Variants in SDK1 observed in about 807,000 individuals in gnomAD.
SDK1 encodes the protein protein sidekick-1.
A neutral mutation model predicts 245.5 loss-of-function variants in SDK1; 157 were observed. The ratio of observed to expected loss-of-function variants is 0.64; its 90% CI spans 0.56 to 0.73. SDK1 has a LOEUF of 0.73. Among genes scored for constraint, SDK1 ranks in the 30% least tolerant of loss-of-function variants. The pLI, the probability that SDK1 is intolerant of heterozygous loss-of-function variation, is 0.00. For missense variants in SDK1, 3,583 were observed against 3,002.3 expected (o/e 1.19, Z -4.52); for synonymous variants, 1,647 against 1,278.5 (o/e 1.29, Z -6.15).
chr7:3,909,612 T>A (rs1414068204), intron 5 of SDK1, among the ~76,000 whole-genome samples: 2 of 151,928 alleles, frequency 1.3e-5, no homozygotes. Context: ...ACTCATCACA[T>A]GTGTGTCCGT....
At chr7:3,726,392 TGTAA>T (rs1779008808) in intron 4 of SDK1, among the ~76,000 whole-genome samples, 1 of 152,258 alleles carries the variant, frequency 6.6e-6, no homozygotes, top group South Asian at 2.1e-4. Flanking sequence ...GTCACTCGAC[TGTAA>T]GTATTTCTTT....
intron 38 of SDK1, among the ~76,000 whole-genome samples, chr7:4,219,880 T>A (rs1785042892): frequency 6.6e-6 from 1 of 150,950 alleles, no homozygotes. Flanking sequence ...TTTTGTGTTG[T>A]CAGCCTCAGT....
intron 1 of SDK1, among the ~76,000 whole-genome samples, chr7:3,344,339 C>T (rs1032446566): frequency 6.6e-6 from 1 of 152,184 alleles, no homozygotes; most frequent in East Asian, 1.9e-4. Flanking sequence ...ATCTAGTCTC[C>T]ACAGCTACTT....
intron 19 of SDK1, 88 bp from the exon 20 acceptor site, chr7:4,067,750 C>T: frequency 2.1e-6 from 2 of 931,226 alleles, no homozygotes; most frequent in Non-Finnish European, 3.3e-6. Flanking sequence ...CACCACTTTC[C>T]TTCCATAGTT....
intron 1 of SDK1, among the ~76,000 whole-genome samples, chr7:3,425,115 CTTTT>C (rs3086058): frequency 2.8e-5 from 4 of 144,750 alleles, no homozygotes; most frequent in Non-Finnish European, 3.0e-5. Context: ...CAGTTGCCAG[CTTTT>C]TTTTTTTTTT....
chr7:3,393,034 G>T (rs749674703), intron 1 of SDK1, among the ~76,000 whole-genome samples: 27 of 144,118 alleles, frequency 1.9e-4, no homozygotes, highest in Non-Finnish European at 3.6e-4. Flanking sequence ...ACAGTGGCGT[G>T]ATCTCAGCTC....
At chr7:3,608,910 C>A (rs1193934278) in intron 1 of SDK1, among the ~76,000 whole-genome samples, 3 of 152,122 alleles carry the variant, frequency 2.0e-5, no homozygotes, top group Non-Finnish European at 4.4e-5. Flanking sequence ...AGCCATGTAT[C>A]TGGGAGGCTG....
intron 32 of SDK1, among the ~76,000 whole-genome samples, chr7:4,166,825 A>C (rs935567): frequency 0.45 from 67,746 of 152,114 alleles, 17,245 homozygotes; most frequent in East Asian, 0.76. Flanking sequence ...TAGGAGAGTT[A>C]GGCCCTGCCC....
intron 1 of SDK1, among the ~76,000 whole-genome samples, chr7:3,445,486 C>G (rs562515919): frequency 6.6e-6 from 1 of 152,240 alleles, no homozygotes; most frequent in East Asian, 1.9e-4. Context: ...AGTTAGGAAC[C>G]ATTCCTTTTA....
intron 34 of SDK1, among the ~76,000 whole-genome samples, chr7:4,177,379 G>A (rs1782280386): frequency 6.6e-6 from 1 of 152,192 alleles, no homozygotes; most frequent in African/African-American, 2.4e-5. Flanking sequence ...TGGCTTAAAG[G>A]TCAATTATTC....
rs111460358 is a variant in SDK1, at chr7:4,267,519, C to T, written c.*2135C>T. 3.4e-3 allele frequency: 3,355 copies of T among 985,398 alleles called. 10 individuals carry two copies. The highest frequency in any genetic ancestry group is 0.02 in the East Asian group (172 of 8,798). The allele number at this position is 985,398 out of a possible 1,614,324, so 61.0% of individuals were successfully genotyped here. On this transcript the variant is annotated 3_prime_UTR_variant, in exon 45 of 45. Coordinates refer to ENST00000404826, the MANE Select transcript of SDK1 (RefSeq NM_152744.4). Reference sequence around the variant, plus strand: ...TCGGCCCCGGAGAGGGCGAAGTGGGCGGGAAGCCAGGATGTGAGCACTGGA... The same window carrying T: ...TCGGCCCCGGAGAGGGCGAAGTGGGTGGGAAGCCAGGATGTGAGCACTGGA...
chr7:3,962,755 A>G lies in SDK1; in HGVS notation c.1333A>G (p.Ile445Val), dbSNP rs772479041. ...YKVLASGGLR[I>V]QKLRPEDSGI... ...AGTGCTCGCCAGCGGAGGCCTGCGC[A>G]TCCAGAAGCTGCGTCCAGAGGACTC... Residue 445 changes from isoleucine to valine, a missense_variant, in exon 9 of 45, where the codon ATC becomes GTC. By Grantham distance (29) the Ile-to-Val change is conservative (BLOSUM62 3). Coordinates refer to ENST00000404826, the MANE Select transcript of SDK1 (RefSeq NM_152744.4). The G allele has an allele frequency of 6.2e-7, 1 of 1,613,732 alleles. No individual in the cohort carries two copies. The highest frequency in any genetic ancestry group is 8.5e-7 in the Non-Finnish European group (1 of 1,179,886).
At chr7:4,000,613 A>C (rs1223299262) in intron 14 of SDK1, among the ~76,000 whole-genome samples, 1 of 152,224 alleles carries the variant, frequency 6.6e-6, no homozygotes, top group Non-Finnish European at 1.5e-5. Context: ...GTCACCGCAC[A>C]ATCTGTTCAA....
At chr7:3,732,251 G>A (rs972582566) in intron 4 of SDK1, among the ~76,000 whole-genome samples, 5 of 152,170 alleles carry the variant, frequency 3.3e-5, no homozygotes, top group African/African-American at 9.7e-5. Context: ...GTGGGAAAAC[G>A]GCTGATTTTC....
chr7:3,848,817 G>A (rs959737406), intron 5 of SDK1, among the ~76,000 whole-genome samples: 82 of 152,142 alleles, frequency 5.4e-4, no homozygotes, highest in African/African-American at 1.8e-3. Flanking sequence ...GATTACAGGC[G>A]TGCGTCACCA....
At chr7:3,412,203 G>C (rs1329052302) in intron 1 of SDK1, among the ~76,000 whole-genome samples, 1 of 152,130 alleles carries the variant, frequency 6.6e-6, no homozygotes. Flanking sequence ...GAGTTGGAAA[G>C]CATCTACAGT....
In SDK1 at chr7:3,777,536, G is replaced by A. The variant is rs142176965; in HGVS notation, c.714-43914G>A. Among the ~76,000 whole-genome samples the A allele has an allele frequency of 6.0e-3, 906 of 152,248 alleles. 13 individuals carry two copies. The highest frequency in any genetic ancestry group is 0.02 in the African/African-American group (837 of 41,524). On this transcript the variant is annotated intron_variant, in intron 4 of 44. Coordinates refer to ENST00000404826, the MANE Select transcript of SDK1 (RefSeq NM_152744.4). ...CCCAGGCCTGTGTCCTTGTACTCAG[G>A]TTGCCACAGCATTCCTCCTGATGTG...
At chr7:3,844,593 A>C (rs191648790) in intron 5 of SDK1, among the ~76,000 whole-genome samples, 3 of 152,320 alleles carry the variant, frequency 2.0e-5, no homozygotes, top group Admixed American at 6.5e-5. Flanking sequence ...TATGAAACTG[A>C]ATTTTACTAC....
intron 1 of SDK1, among the ~76,000 whole-genome samples, chr7:3,575,401 ATC>A (rs1780252486): frequency 6.6e-6 from 1 of 152,020 alleles, no homozygotes; most frequent in African/African-American, 2.4e-5. Flanking sequence ...TCCAAAGGCC[ATC>A]ACATCAGGGG....
Sources: allele counts gnomAD v4.1 joint callset (sites outside exome capture counted in the v4.1 genomes callset), GRCh38; gene constraint gnomAD v4.1.1; transcripts MANE v1.5; gene names NCBI Gene and HGNC (gene_info 2026-07-23, HGNC 2026-07-21).